The following MGLL variants were observed in gnomAD, a reference collection of about 807,000 sequenced individuals.
MGLL encodes lysophospholipase homolog.
MGLL carries 7 observed loss-of-function variants against 29.1 expected under a neutral mutation model. The ratio of observed to expected loss-of-function variants is 0.24; its 90% CI spans 0.14 to 0.45. The LOEUF (loss-of-function observed/expected upper bound fraction) is 0.45. MGLL is among the 20% of genes least tolerant of loss of function. The pLI, the probability that MGLL is intolerant of heterozygous loss-of-function variation, is 0.99. For missense variants in MGLL, 356 were observed against 413.6 expected, an observed-to-expected ratio of 0.86 and a Z score of 1.21; for synonymous variants, 148 against 168.3, an observed-to-expected ratio of 0.88 and a Z score of 0.93.
chr3:127,789,325 G>C (rs555576955), intron 2 of MGLL, among the ~76,000 whole-genome samples: 1 of 152,302 alleles, frequency 6.6e-6, no homozygotes, highest in Admixed American at 6.5e-5. Context: ...ACCCATCTAC[G>C]GCTGGAAGGA....
intron 2 of MGLL, among the ~76,000 whole-genome samples, chr3:127,789,465 T>G (rs560284838): frequency 5.3e-5 from 8 of 152,362 alleles, no homozygotes; most frequent in Non-Finnish European, 1.0e-4. Flanking sequence ...CCCAGCATTT[T>G]GGGAGGCCAA....
intron 2 of MGLL, among the ~76,000 whole-genome samples, chr3:127,785,016 G>A (rs1483784969): frequency 1.3e-5 from 2 of 152,160 alleles, no homozygotes; most frequent in Admixed American, 6.5e-5. Context: ...GCGATAGTGT[G>A]CTGTTAAATG....
At chr3:127,722,066 C>A (rs2075936746) in intron 4 of MGLL, among the ~76,000 whole-genome samples, 1 of 152,218 alleles carries the variant, frequency 6.6e-6, no homozygotes, top group Non-Finnish European at 1.5e-5. Context: ...AATTCTGAAA[C>A]AAGCACACAG....
chr3:127,721,507 G>GTTTTTTTT (rs55892315), intron 4 of MGLL, among the ~76,000 whole-genome samples: 6 of 94,810 alleles, frequency 6.3e-5, no homozygotes, highest in African/African-American at 8.2e-5. Flanking sequence ...TAATAGGAGG[G>GTTTTTTTT]TTTTTTTTTT....
intron 5 of MGLL, 163 bp from the exon 6 acceptor site, chr3:127,710,828 T>C: frequency 5.7e-6 from 4 of 696,464 alleles, no homozygotes; most frequent in Admixed American, 2.0e-5. Flanking sequence ...GCCCAAGGAC[T>C]CTCCCTTCTG....
chr3:127,734,840 G>A (rs1198175282), intron 3 of MGLL, among the ~76,000 whole-genome samples: 3 of 152,230 alleles, frequency 2.0e-5, no homozygotes, highest in Non-Finnish European at 4.4e-5. Flanking sequence ...TGGAGAGATG[G>A]GAGCCCCTGA....
At chr3:127,802,829 A>G (rs980539371) in intron 2 of MGLL, among the ~76,000 whole-genome samples, 3 of 152,196 alleles carry the variant, frequency 2.0e-5, no homozygotes, top group African/African-American at 7.2e-5. Context: ...GGTCTGTGGA[A>G]GGCACATGGT....
At position 127,744,362 on chromosome 3, in the gene MGLL, T is replaced by C. The variant is rs78195172; in HGVS notation, c.263-21796A>G. On this transcript the variant is annotated intron_variant, in intron 3 of 7. Coordinates refer to ENST00000265052, the MANE Select transcript of MGLL (RefSeq NM_007283.7). ...TGTATCACGCTGCGGGATGACGATC[T>C]GGGTTTCAGAAAGCGGTAAGTGGCT... 7.6e-3 allele frequency among the ~76,000 whole-genome samples: 1,150 copies of C among 152,312 alleles called. 22 individuals are homozygous for C. Among genetic ancestry groups the C allele is most frequent in the African/African-American group, 0.025 (1,055 of 41,556 alleles).
Position 127,722,517 on chromosome 3 carries a change from G to A in MGLL, c.312C>T (p.His104=), listed in dbSNP as rs2075948544. ...EGERMVVSDF[H]VFVRDVLQHV... ...GCTGCAACACATCCCTGACGAAAAC[G>A]TGGAAGTCAGACACTACCATCCTCT... Residue 104 remains histidine, a synonymous_variant, in exon 4 of 8, where the codon CAC becomes CAT. Coordinates refer to ENST00000265052, the MANE Select transcript of MGLL (RefSeq NM_007283.7). 2.5e-6 allele frequency: 4 copies of A among 1,614,208 alleles called. No individual in the cohort carries two copies. Among genetic ancestry groups the A allele is most frequent in the Non-Finnish European group, 3.4e-6 (4 of 1,180,044 alleles).
chr3:127,737,911 A>G (rs1050832467), intron 3 of MGLL, among the ~76,000 whole-genome samples: 1 of 152,074 alleles, frequency 6.6e-6, no homozygotes, highest in Non-Finnish European at 1.5e-5. Flanking sequence ...GATTATAGGC[A>G]TGAGCCACCG....
At chr3:127,747,354 C>A (rs1160212938) in intron 3 of MGLL, among the ~76,000 whole-genome samples, 2 of 152,220 alleles carry the variant, frequency 1.3e-5, no homozygotes, top group Non-Finnish European at 2.9e-5. Context: ...CCTAGAAAAA[C>A]CCCCAGCCTT....
intron 3 of MGLL, among the ~76,000 whole-genome samples, chr3:127,732,555 G>A (rs763947566): frequency 8.5e-5 from 13 of 152,064 alleles, no homozygotes; most frequent in Non-Finnish European, 1.9e-4. Flanking sequence ...ACACAGGGCT[G>A]GCATCTTCCC....
chr3:127,800,175 G>A (rs2077451119), intron 2 of MGLL, among the ~76,000 whole-genome samples: 1 of 152,200 alleles, frequency 6.6e-6, no homozygotes, highest in African/African-American at 2.4e-5. Context: ...TCTAAGTGGT[G>A]GTGGGGCAAC....
At chr3:127,757,350 G>A (rs1238268736) in intron 3 of MGLL, among the ~76,000 whole-genome samples, 3 of 152,106 alleles carry the variant, frequency 2.0e-5, no homozygotes, top group African/African-American at 4.8e-5. Flanking sequence ...TGGCTCAGTC[G>A]GGAAGGCAGC....
At chr3:127,696,568 C>T (rs1049840622) in intron 6 of MGLL, among the ~76,000 whole-genome samples, 4 of 151,892 alleles carry the variant, frequency 2.6e-5, no homozygotes, top group Admixed American at 2.6e-4. Flanking sequence ...CGCCGGCCAT[C>T]ACACCCAGCT....
chr3:127,722,740 A>G (rs1341714086), intron 3 of MGLL, among the ~76,000 whole-genome samples, 174 bp from the exon 4 acceptor site: 1 of 152,126 alleles, frequency 6.6e-6, no homozygotes, highest in Non-Finnish European at 1.5e-5. Context: ...CTTTTTATGG[A>G]TTAGGAAACT....
At chr3:127,731,924 C>T (rs1017057499) in intron 3 of MGLL, among the ~76,000 whole-genome samples, 4 of 152,186 alleles carry the variant, frequency 2.6e-5, no homozygotes, top group Admixed American at 6.5e-5. Context: ...GCACTGCATT[C>T]GATGCGAAGT....
chr3:127,749,714 A>G (rs1197585820), intron 3 of MGLL, among the ~76,000 whole-genome samples: 1 of 152,204 alleles, frequency 6.6e-6, no homozygotes, highest in African/African-American at 2.4e-5. Context: ...TGGGGGTCAG[A>G]CAATAAACAC....
At chr3:127,733,014 A>AGGCTGAGAGCTACTG (rs2076178827) in intron 3 of MGLL, among the ~76,000 whole-genome samples, 1 of 152,186 alleles carries the variant, frequency 6.6e-6, no homozygotes, top group African/African-American at 2.4e-5. Context: ...GGGTAAAATG[A>AGGCTGAGAGCTACTG]GGCTGAGAGC....
Sources: allele counts gnomAD v4.1 joint callset (sites outside exome capture counted in the v4.1 genomes callset), GRCh38; gene constraint gnomAD v4.1.1; transcripts MANE v1.5; gene names NCBI Gene and HGNC (gene_info 2026-07-23, HGNC 2026-07-21).